RAPGEF1: variants seen among roughly 807,000 people sequenced by gnomAD.
RAPGEF1 encodes the protein CRK SH3-binding GNRP.
In RAPGEF1, 33 loss-of-function variants were observed where a neutral mutation model predicts 143.3. The ratio of observed to expected loss-of-function variants is 0.23; its 90% confidence interval spans 0.17 to 0.31. RAPGEF1 has a LOEUF of 0.31. RAPGEF1 is among the 10% of genes least tolerant of loss of function. The pLI is 1.00. For missense variants in RAPGEF1, 1,199 were observed against 1,645.4 expected (o/e 0.73, Z 4.69); for synonymous variants, 629 against 676.5 (o/e 0.93, Z 1.09).
intron 1 of RAPGEF1, among the ~76,000 whole-genome samples, chr9:131,665,909 G>A (rs922185795): frequency 4.6e-5 from 7 of 152,106 alleles, no homozygotes; most frequent in African/African-American, 1.7e-4. Flanking sequence ...AGAATTCAGG[G>A]GACAGAGAAG....
At chr9:131,640,585 G>A (rs965765915) in intron 4 of RAPGEF1, among the ~76,000 whole-genome samples, 4 of 147,902 alleles carry the variant, frequency 2.7e-5, no homozygotes, top group African/African-American at 4.8e-5. Context: ...AAAGCCCTCC[G>A]CATGTGACGA....
chr9:131,598,244 G>A lies in RAPGEF1; in HGVS notation c.2568C>T (p.Leu856=). The change falls in exon 16 of 27, where the codon CTC becomes CTT. Residue 856 remains leucine (L), a synonymous_variant. Transcript: ENST00000683357. ...QSEEEVDELS[L]IDHNEIMSRL... The stretch of plus-strand genomic sequence containing the variant: ...TGGACATAATTTCGTTGTGGTCAAT[G>A]AGGGACAGCTCGTCCACTTCCTCCT... 8 of 1,614,038 alleles carry A rather than the reference G, an allele frequency of 5.0e-6. No homozygotes were observed. Among genetic ancestry groups the A allele is most frequent in the African/African-American group, 1.3e-5 (1 of 75,068 alleles).
intron 1 of RAPGEF1, among the ~76,000 whole-genome samples, chr9:131,679,554 G>A (rs989947514): frequency 1.3e-5 from 2 of 152,150 alleles, no homozygotes; most frequent in East Asian, 1.9e-4. Flanking sequence ...GAAATGTTTC[G>A]TATTGCCGCA....
chr9:131,664,325 G>A (rs1264846050), intron 1 of RAPGEF1, among the ~76,000 whole-genome samples: 2 of 152,118 alleles, frequency 1.3e-5, no homozygotes, highest in African/African-American at 4.8e-5. Context: ...CAAGATCGGG[G>A]CATTAGATGT....
At chr9:131,697,902 G>A (rs1834311345) in intron 1 of RAPGEF1, among the ~76,000 whole-genome samples, 1 of 152,204 alleles carries the variant, frequency 6.6e-6, no homozygotes, top group East Asian at 1.9e-4. Flanking sequence ...CCTGTGTCAG[G>A]GCCAGAAAGA....
chr9:131,594,222 C>G (rs1954852262), intron 17 of RAPGEF1, among the ~76,000 whole-genome samples: 1 of 152,232 alleles, frequency 6.6e-6, no homozygotes, highest in Non-Finnish European at 1.5e-5. Flanking sequence ...TCACAGGACT[C>G]TCGATGCGGT....
At chr9:131,723,272 C>T (rs537174128) in intron 1 of RAPGEF1, among the ~76,000 whole-genome samples, 1 of 152,188 alleles carries the variant, frequency 6.6e-6, no homozygotes, top group South Asian at 2.1e-4. Flanking sequence ...ATTGAAAAAA[C>T]TGTGGTAAAG....
At chr9:131,601,341 T>C (rs1343673293) in intron 15 of RAPGEF1, among the ~76,000 whole-genome samples, 1 of 152,188 alleles carries the variant, frequency 6.6e-6, no homozygotes, top group African/African-American at 2.4e-5. Context: ...AACAAGTTTG[T>C]AAGTGGAGGG....
intron 17 of RAPGEF1, 73 bp from the exon 18 acceptor site, chr9:131,592,256 G>A (rs771561194): frequency 3.3e-5 from 41 of 1,241,434 alleles, no homozygotes; most frequent in Middle Eastern, 3.8e-4. Context: ...GGGTGGATTT[G>A]AGTCCTTGCT....
intron 1 of RAPGEF1, among the ~76,000 whole-genome samples, chr9:131,714,263 A>G (rs2131232602): frequency 6.6e-6 from 1 of 152,196 alleles, no homozygotes; most frequent in African/African-American, 2.4e-5. Context: ...TACACGCAAG[A>G]CGCTGTTGGC....
chr9:131,666,305 C>T (rs1588901621), intron 1 of RAPGEF1, among the ~76,000 whole-genome samples: 2 of 152,198 alleles, frequency 1.3e-5, no homozygotes, highest in East Asian at 3.8e-4. Context: ...GTTCACCCTC[C>T]TCCTCTAGGT....
At chr9:131,703,971 T>TATGCA (rs1834858466) in intron 1 of RAPGEF1, among the ~76,000 whole-genome samples, 1 of 152,216 alleles carries the variant, frequency 6.6e-6, no homozygotes, top group African/African-American at 2.4e-5. Flanking sequence ...TTCTCTTTAC[T>TATGCA]ATGCAATGCA....
chr9:131,686,478 C>G (rs181168058), intron 1 of RAPGEF1, among the ~76,000 whole-genome samples: 11 of 152,298 alleles, frequency 7.2e-5, no homozygotes, highest in Non-Finnish European at 1.3e-4. Flanking sequence ...GAATGCAGCT[C>G]CACTACACAA....
At chr9:131,599,358 T>C (rs1156466493) in intron 15 of RAPGEF1, among the ~76,000 whole-genome samples, 1 of 151,798 alleles carries the variant, frequency 6.6e-6, no homozygotes, top group Non-Finnish European at 1.5e-5. Flanking sequence ...CTGACTCATG[T>C]GATTCTCCTG....
chr9:131,635,806 G>A (rs1259035995), intron 5 of RAPGEF1, among the ~76,000 whole-genome samples: 1 of 152,174 alleles, frequency 6.6e-6, no homozygotes, highest in Non-Finnish European at 1.5e-5. Context: ...ACCTGAGCCT[G>A]AGTCTCCACA....
intron 12 of RAPGEF1, among the ~76,000 whole-genome samples, chr9:131,618,197 C>T (rs767224296): frequency 6.6e-6 from 1 of 152,254 alleles, no homozygotes; most frequent in African/African-American, 2.4e-5. Flanking sequence ...GGGCCTTGCA[C>T]GCTTCCATTT....
intron 18 of RAPGEF1, among the ~76,000 whole-genome samples, chr9:131,590,962 T>C (rs1412735897): frequency 1.3e-5 from 2 of 152,210 alleles, no homozygotes; most frequent in African/African-American, 4.8e-5. Flanking sequence ...GCCCCATGTA[T>C]AATATGGTAA....
At chr9:131,700,817 A>T (rs767854373) in intron 1 of RAPGEF1, among the ~76,000 whole-genome samples, 12 of 152,204 alleles carry the variant, frequency 7.9e-5, no homozygotes, top group Admixed American at 2.0e-4. Context: ...TCGCTGAGCA[A>T]CCCCAGTCAA....
At chr9:131,679,071 G>A (rs1239815142) in intron 1 of RAPGEF1, among the ~76,000 whole-genome samples, 1 of 151,956 alleles carries the variant, frequency 6.6e-6, no homozygotes, top group Non-Finnish European at 1.5e-5. Flanking sequence ...ACTGGGGGTG[G>A]GGGGAAATGA....
Sources: gnomAD v4.1 joint callset for allele counts (sites outside exome capture counted in the v4.1 genomes callset) on GRCh38, gnomAD v4.1.1 for gene constraint, MANE v1.5 for transcripts, NCBI Gene and HGNC (gene_info 2026-07-23, HGNC 2026-07-21) for gene names.